The following GREB1L variants were observed in gnomAD, a reference collection of about 807,000 sequenced individuals.
The protein encoded by GREB1L is GREB1 like retinoic acid receptor coactivator.
A neutral mutation model predicts 200.8 loss-of-function variants in GREB1L; 17 were observed. The ratio of observed to expected loss-of-function variants is 0.08; its 90% CI spans 0.06 to 0.13. The LOEUF (loss-of-function observed/expected upper bound fraction) is 0.13, where lower values mean the gene tolerates loss of function less well. GREB1L is among the 10% of genes least tolerant of loss of function. The probability of loss-of-function intolerance (pLI) is 1.00; values close to 1 mark genes in which losing one functional copy is unlikely to be tolerated. For missense variants in GREB1L, 1,657 were observed against 2,367.7 expected (o/e 0.70, Z 6.23); for synonymous variants, 789 against 893.0 (o/e 0.88, Z 2.08).
At chr18:21,414,416 T>C (rs2031416138) in intron 7 of GREB1L, among the ~76,000 whole-genome samples, 1 of 152,244 alleles carries the variant, frequency 6.6e-6, no homozygotes, top group African/African-American at 2.4e-5. Flanking sequence ...TTTTATGTTA[T>C]AATTTTCATA....
intron 1 of GREB1L, among the ~76,000 whole-genome samples, chr18:21,361,529 T>C (rs1233547382): frequency 6.6e-6 from 1 of 152,104 alleles, no homozygotes; most frequent in Non-Finnish European, 1.5e-5. Flanking sequence ...AGAGGCCAAA[T>C]GGGAGATAAA....
intron 2 of GREB1L, among the ~76,000 whole-genome samples, chr18:21,376,329 G>T (rs982523184): frequency 2.0e-5 from 3 of 151,104 alleles, no homozygotes; most frequent in Admixed American, 6.6e-5. Context: ...ATGTTGGCCA[G>T]GCTGGTCTCA....
At chr18:21,347,190 A>C (rs1437061703) in intron 1 of GREB1L, among the ~76,000 whole-genome samples, 1 of 151,080 alleles carries the variant, frequency 6.6e-6, no homozygotes, top group Admixed American at 6.6e-5. Flanking sequence ...AGACAGGAGA[A>C]TTGCTTGAAC....
At chr18:21,458,589 C>A (rs2034887821) in intron 15 of GREB1L, among the ~76,000 whole-genome samples, 1 of 152,166 alleles carries the variant, frequency 6.6e-6, no homozygotes, top group Non-Finnish European at 1.5e-5. Flanking sequence ...CACGTTGTTG[C>A]AGATCCAGCA....
chr18:21,401,300 C>T lies in GREB1L; in HGVS notation c.683C>T (p.Ser228Phe). Residue 228 changes from serine (S) to phenylalanine (F), a missense_variant, in exon 6 of 33, where the codon TCT (serine) becomes TTT (phenylalanine). Ser to Phe is a radical substitution (Grantham distance 155). This residue lies in a region of GREB1L where 70 missense variants were observed against 151.3 expected (regional missense o/e 0.46). Coordinates refer to ENST00000424526, the MANE Select transcript of GREB1L (RefSeq NM_001142966.3). ...YLVRSSQGVLSKGPLICWKEC... is the reference protein window; with the variant it reads ...YLVRSSQGVLFKGPLICWKEC... ...GTCAGAAGCTCCCAGGGTGTACTGT[C>T]TAAAGGACCTCTTATCTGCTGGAAA... 1.3e-6 allele frequency: 2 copies of T among 1,551,066 alleles called. No homozygotes were observed. Among genetic ancestry groups the T allele is most frequent in the Non-Finnish European group, 1.7e-6 (2 of 1,146,784 alleles).
intron 1 of GREB1L, among the ~76,000 whole-genome samples, chr18:21,319,317 A>G (rs2038917374): frequency 1.3e-5 from 2 of 152,136 alleles, no homozygotes; most frequent in East Asian, 3.9e-4. Context: ...ATCCACTTTA[A>G]CTCTTTCTTT....
chr18:21,414,239 G>A (rs531539176), intron 7 of GREB1L, among the ~76,000 whole-genome samples: 1 of 152,140 alleles, frequency 6.6e-6, no homozygotes, highest in Admixed American at 6.6e-5. Flanking sequence ...CAGCCACCTA[G>A]GAAATAATTC....
At chr18:21,482,642 ATTTTTTTTT>A (rs35313539) in intron 17 of GREB1L, among the ~76,000 whole-genome samples, 2 of 118,100 alleles carry the variant, frequency 1.7e-5, no homozygotes. Flanking sequence ...TAGATTACAG[ATTTTTTTTT>A]TTTTTTTTTT....
intron 1 of GREB1L, among the ~76,000 whole-genome samples, chr18:21,357,093 T>C (rs1244510270): frequency 1.3e-5 from 2 of 152,194 alleles, no homozygotes; most frequent in Non-Finnish European, 2.9e-5. Flanking sequence ...CTCACTCTGT[T>C]GCCCAGGCTG....
intron 9 of GREB1L, 101 bp downstream of exon 9, chr18:21,440,489 A>T: frequency 8.5e-7 from 1 of 1,170,684 alleles, no homozygotes; most frequent in Non-Finnish European, 1.2e-6. Context: ...GAGTTATATG[A>T]GGATATTGAT....
chr18:21,395,683 A>C, intron 5 of GREB1L, 122 bp downstream of exon 5: 1 of 667,096 alleles, frequency 1.5e-6, no homozygotes, highest in South Asian at 2.4e-5. Context: ...TATATAGTTT[A>C]GTTCAATTAT....
Position 21,477,167 on chromosome 18 carries a change from C to T in GREB1L, c.2367C>T (p.Val789=), listed in dbSNP as rs930263536. Residue 789 remains valine (V), a synonymous_variant, in exon 17 of 33, where the codon GTC becomes GTT. Coordinates refer to ENST00000424526, the MANE Select transcript of GREB1L (RefSeq NM_001142966.3). ...HDNSHVELTS[V]ISGSLSHSEP... is the part of the protein sequence containing the mutation. ...ATGACTTTCAATTTTTCTACAGTGT[C>T]ATTTCAGGCTCTTTGTCACATAGCG... 3 of 1,548,650 alleles carry T rather than the reference C, an allele frequency of 1.9e-6. No homozygotes were observed. The African/African-American group carries it at 4.1e-5, about 21-fold the overall frequency.
chr18:21,278,010 G>A (rs571662122), intron 1 of GREB1L, among the ~76,000 whole-genome samples: 32 of 152,222 alleles, frequency 2.1e-4, no homozygotes, highest in Non-Finnish European at 1.8e-4. Flanking sequence ...GAGGCCTGTC[G>A]AAATGGGTAT....
At chr18:21,395,669 G>A in intron 5 of GREB1L, 108 bp downstream of exon 5, 1 of 757,792 alleles carries the variant, frequency 1.3e-6, no homozygotes, top group Non-Finnish European at 2.1e-6. Flanking sequence ...GATTATTTGG[G>A]GATTATATAG....
At chr18:21,432,751 G>A (rs1384682012) in intron 7 of GREB1L, among the ~76,000 whole-genome samples, 1 of 129,190 alleles carries the variant, frequency 7.7e-6, no homozygotes, top group Non-Finnish European at 1.5e-5. Flanking sequence ...CTGTCAGCCA[G>A]GCTGGAGTGC....
At chr18:21,517,342 A>C (rs1186073680) in intron 30 of GREB1L, among the ~76,000 whole-genome samples, 1 of 152,160 alleles carries the variant, frequency 6.6e-6, no homozygotes, top group African/African-American at 2.4e-5. Flanking sequence ...TTTAGTTTCA[A>C]GATGGCAAAC....
intron 4 of GREB1L, among the ~76,000 whole-genome samples, chr18:21,385,205 T>A (rs1484848440): frequency 6.6e-6 from 1 of 152,130 alleles, no homozygotes; most frequent in East Asian, 1.9e-4. Flanking sequence ...TAGGATGATT[T>A]CAGTGCATGA....
At chr18:21,439,744 A>G (rs2033791611) in intron 8 of GREB1L, 107 bp downstream of exon 8, 1 of 727,880 alleles carries the variant, frequency 1.4e-6, no homozygotes, top group South Asian at 1.7e-5. Context: ...GTTTTTTCTC[A>G]GTTCGTCATA....
At chr18:21,272,635 C>T (rs1231900151) in intron 1 of GREB1L, among the ~76,000 whole-genome samples, 2 of 152,158 alleles carry the variant, frequency 1.3e-5, no homozygotes, top group African/African-American at 2.4e-5. Context: ...CTTCCTTGAC[C>T]TCTCCAGACA....
Sources: gnomAD v4.1 joint callset for allele counts (sites outside exome capture counted in the v4.1 genomes callset) on GRCh38, gnomAD v4.1.1 for gene constraint, gnomAD v4.1.1 regional missense constraint, MANE v1.5 for transcripts, NCBI Gene and HGNC (gene_info 2026-07-23, HGNC 2026-07-21) for gene names.